Variants in MYT1L observed in about 807,000 individuals in gnomAD.
MYT1L encodes myelin transcription factor 1-like protein.
In MYT1L, 12 loss-of-function variants were observed where a neutral mutation model predicts 126.7. That is an observed-to-expected ratio of 0.09 (90% confidence interval 0.06 to 0.15). MYT1L has a LOEUF of 0.15. Among genes scored for constraint, MYT1L ranks in the 10% least tolerant of loss-of-function variants. The pLI, the probability that MYT1L is intolerant of heterozygous loss-of-function variation, is 1.00. For missense variants in MYT1L, 979 were observed against 1,585.2 expected, an observed-to-expected ratio of 0.62 and a Z score of 6.49; for synonymous variants, 541 against 604.2, an observed-to-expected ratio of 0.90 and a Z score of 1.53.
At chr2:2,034,069 C>A (rs79890929) in intron 4 of MYT1L, among the ~76,000 whole-genome samples, 3 of 152,118 alleles carry the variant, frequency 2.0e-5, no homozygotes, top group Non-Finnish European at 4.4e-5. Flanking sequence ...TAAGTAGCTT[C>A]GTTACTGTAC....
chr2:1,832,518 G>A (rs1208956044), intron 21 of MYT1L, among the ~76,000 whole-genome samples: 2 of 152,196 alleles, frequency 1.3e-5, no homozygotes, highest in African/African-American at 2.4e-5. Context: ...CACCCACAAG[G>A]CCCTGCTCAT....
intron 5 of MYT1L, among the ~76,000 whole-genome samples, chr2:1,984,505 ATTTTTTTT>A (rs35510686): frequency 2.8e-4 from 32 of 114,276 alleles, no homozygotes; most frequent in African/African-American, 1.1e-3. Flanking sequence ...CCAAGAACTA[ATTTTTTTT>A]TTTTTTTTTT....
chr2:1,809,473 T>A (rs2036244584), intron 21 of MYT1L, among the ~76,000 whole-genome samples: 1 of 152,218 alleles, frequency 6.6e-6, no homozygotes, highest in African/African-American at 2.4e-5. Flanking sequence ...CTTCATTGTA[T>A]AACTTTCAGA....
chr2:2,039,007 C>T (rs183487899), intron 4 of MYT1L, among the ~76,000 whole-genome samples: 3 of 152,284 alleles, frequency 2.0e-5, no homozygotes, highest in East Asian at 1.9e-4. Flanking sequence ...CCCTCTCTGC[C>T]GATGAGGCAC....
intron 2 of MYT1L, among the ~76,000 whole-genome samples, chr2:2,218,988 A>C (rs890827900): frequency 2.6e-5 from 4 of 152,154 alleles, no homozygotes; most frequent in African/African-American, 7.2e-5. Flanking sequence ...AAGAAGCATA[A>C]AGATTTGAAT....
At chr2:2,122,837 ATGTGTGTGTG>A (rs200951880) in intron 3 of MYT1L, among the ~76,000 whole-genome samples, 17 of 135,504 alleles carry the variant, frequency 1.3e-4, no homozygotes, top group Admixed American at 3.6e-4. Flanking sequence ...GAGGATAGGA[ATGTGTGTGTG>A]TGTGTGTGTG....
intron 3 of MYT1L, among the ~76,000 whole-genome samples, chr2:2,147,628 C>A (rs1320991856): frequency 2.0e-5 from 3 of 152,232 alleles, no homozygotes; most frequent in African/African-American, 7.2e-5. Flanking sequence ...TCCAAAGGAG[C>A]CTGAGTCCTC....
chr2:2,230,018 T>A (rs1410272274), intron 2 of MYT1L, among the ~76,000 whole-genome samples: 2 of 152,254 alleles, frequency 1.3e-5, no homozygotes, highest in African/African-American at 4.8e-5. Context: ...TTTACTCGCC[T>A]AACATAGATT....
chr2:2,250,701 A>T (rs1269806070), intron 2 of MYT1L, among the ~76,000 whole-genome samples: 1 of 152,100 alleles, frequency 6.6e-6, no homozygotes, highest in African/African-American at 2.4e-5. Flanking sequence ...GCTTGAGGGG[A>T]TGGATACCCA....
chr2:1,885,986 G>A (rs545747553), intron 18 of MYT1L, among the ~76,000 whole-genome samples: 1 of 152,250 alleles, frequency 6.6e-6, no homozygotes, highest in African/African-American at 2.4e-5. Context: ...TAGAGAAGAG[G>A]GAGGTAAAAC....
chr2:2,057,494 A>T (rs1574881562), intron 3 of MYT1L, among the ~76,000 whole-genome samples: 1 of 150,792 alleles, frequency 6.6e-6, no homozygotes, highest in Admixed American at 6.6e-5. Flanking sequence ...CCCCCTTCCA[A>T]TTAATAGCCA....
At chr2:2,070,536 T>C (rs1485177931) in intron 3 of MYT1L, among the ~76,000 whole-genome samples, 2 of 152,244 alleles carry the variant, frequency 1.3e-5, no homozygotes, top group Non-Finnish European at 2.9e-5. Flanking sequence ...AAACCCTTTT[T>C]GAGATTTGAT....
intron 3 of MYT1L, among the ~76,000 whole-genome samples, chr2:2,140,679 C>T (rs1012210289): frequency 4.6e-5 from 7 of 151,894 alleles, no homozygotes; most frequent in Non-Finnish European, 1.0e-4. Context: ...CATGATCCGC[C>T]GCCTCGGCCT....
intron 2 of MYT1L, among the ~76,000 whole-genome samples, chr2:2,225,108 GT>G (rs879360021): frequency 4.0e-4 from 59 of 146,820 alleles, no homozygotes; most frequent in East Asian, 1.6e-3. Context: ...CTGTTTAAAG[GT>G]TTTTTTTTTT....
chr2:2,323,784 T>C (rs2096208520), intron 1 of MYT1L, among the ~76,000 whole-genome samples: 1 of 152,180 alleles, frequency 6.6e-6, no homozygotes, highest in African/African-American at 2.4e-5. Context: ...GAAACTTCAG[T>C]TCAATTTTCA....
At chr2:2,309,997 C>T (rs2095934860) in intron 1 of MYT1L, among the ~76,000 whole-genome samples, 5 of 151,892 alleles carry the variant, frequency 3.3e-5, no homozygotes. Flanking sequence ...ACCCATACTC[C>T]ACTCACACTT....
chr2:2,080,076 C>A (rs1182686561), intron 3 of MYT1L, among the ~76,000 whole-genome samples: 3 of 152,096 alleles, frequency 2.0e-5, no homozygotes, highest in African/African-American at 7.2e-5. Context: ...TGGGGGAAAT[C>A]AAGTCTTTTT....
intron 4 of MYT1L, among the ~76,000 whole-genome samples, chr2:2,008,548 GA>G (rs2063536756): frequency 1.3e-5 from 2 of 152,074 alleles, no homozygotes; most frequent in Non-Finnish European, 2.9e-5. Context: ...TTTTACTGTT[GA>G]TTTGTAAGAG....
rs951060342 is a variant in MYT1L, at chr2:2,261,488, C to T, written c.-421+22916G>A. ...CTGGGATAGCCACAGCATTAGTCCT[C>T]CCCCCTGTTAGGTAGGAAACAGAAT... On this transcript the variant is annotated intron_variant, in intron 2 of 24. Transcript: ENST00000647738. 1.1e-4 allele frequency among the ~76,000 whole-genome samples: 16 copies of T among 152,134 alleles called. 1 individual carries two copies. The highest frequency in any genetic ancestry group is 9.8e-4 in the Admixed American group (15 of 15,272).
Sources: allele counts gnomAD v4.1 joint callset (sites outside exome capture counted in the v4.1 genomes callset), GRCh38; gene constraint gnomAD v4.1.1; transcripts MANE v1.5; gene names NCBI Gene and HGNC (gene_info 2026-07-23, HGNC 2026-07-21).